The following ANKMY1 variants were observed in gnomAD, a reference collection of about 807,000 sequenced individuals.
ANKMY1 encodes the protein ankyrin repeat and MYND domain containing 1.
Under a neutral mutation model 102.0 loss-of-function variants are expected in ANKMY1, and 98 were observed. The observed-to-expected ratio is 0.96, with a 90% CI of 0.82 to 1.14. The LOEUF (loss-of-function observed/expected upper bound fraction) is 1.14, where lower values mean the gene tolerates loss of function less well. Among genes scored for constraint, ANKMY1 ranks in the 50% most tolerant of loss-of-function variants. The probability of loss-of-function intolerance (pLI) is 0.00; values close to 1 mark genes in which losing one functional copy is unlikely to be tolerated. For missense variants in ANKMY1, 1,330 were observed against 1,347.6 expected (o/e 0.99, Z 0.20); for synonymous variants, 582 against 559.9 (o/e 1.04, Z -0.56).
chr2:240,548,358 G>A (rs1332902055), intron 4 of ANKMY1, among the ~76,000 whole-genome samples: 8 of 152,066 alleles, frequency 5.3e-5, no homozygotes, highest in African/African-American at 1.9e-4. Flanking sequence ...TTGATGGGAC[G>A]TATCTCAAAA....
At position 240,557,935 on chromosome 2, in the gene ANKMY1, G is replaced by A. The variant is rs2092582535; in HGVS notation, c.-72C>T. The A allele has an allele frequency of 6.1e-6, 6 of 985,654 alleles. No individual in the cohort carries two copies. The highest frequency in any genetic ancestry group is 7.2e-6 in the Non-Finnish European group (6 of 830,102). The allele number at this position is 985,654 out of a possible 1,614,324, so 61.1% of individuals were successfully genotyped here. On this transcript the variant is annotated 5_prime_UTR_variant, in exon 1 of 18. Transcript: ENST00000401804. ...CAGCAGGGAGACCGACGGGACTGCA[G>A]CCACCGCGGACGCCCGCGCTCCCGT...
intron 15 of ANKMY1, among the ~76,000 whole-genome samples, chr2:240,493,533 C>T (rs994162915): frequency 4.6e-5 from 7 of 151,748 alleles, no homozygotes; most frequent in African/African-American, 1.7e-4. Context: ...GGGTAGGGTA[C>T]TTTGGCTTTG....
At chr2:240,511,646 G>A (rs531289962) in intron 11 of ANKMY1, among the ~76,000 whole-genome samples, 3 of 152,356 alleles carry the variant, frequency 2.0e-5, no homozygotes, top group South Asian at 2.1e-4. Flanking sequence ...ACTTCATGCC[G>A]CCACCCAGGC....
Position 240,507,582 on chromosome 2 carries a change from T to C in ANKMY1, c.2504A>G (p.Asn835Ser), listed in dbSNP as rs1395855864. The change falls in exon 13 of 18, where the codon AAC becomes AGC. Residue 835 changes from asparagine to serine, a missense_variant. Asn to Ser is a conservative substitution (Grantham distance 46). Transcript: ENST00000401804. Reference protein sequence around the residue: ...ACDLTYEHQRNMDSKLALIDR... With the variant: ...ACDLTYEHQRSMDSKLALIDR... ...CACCAGGGCCAGCTTGCTGTCCATG[T>C]TCCTCTGGTGCTCGTAGGTCAGGTC... 1.2e-6 allele frequency: 2 copies of C among 1,610,034 alleles called. No individual in the cohort carries two copies. The highest frequency in any genetic ancestry group is 2.7e-5 in the African/African-American group (2 of 74,896).
chr2:240,485,003 C>T (rs187501879), intron 15 of ANKMY1, among the ~76,000 whole-genome samples: 8 of 152,208 alleles, frequency 5.3e-5, no homozygotes, highest in Admixed American at 2.0e-4. Context: ...AATGAGATAC[C>T]ATCTCATGCC....
intron 4 of ANKMY1, among the ~76,000 whole-genome samples, chr2:240,539,904 A>G: frequency 6.6e-6 from 1 of 152,242 alleles, no homozygotes; most frequent in African/African-American, 2.4e-5. Flanking sequence ...ATACCTTGCT[A>G]TACCCCCTCC....
At position 240,483,756 on chromosome 2, in the gene ANKMY1, C is replaced by T. The variant is rs1248337698; in HGVS notation, c.2807-1495G>A. 3.3e-5 allele frequency among the ~76,000 whole-genome samples: 5 copies of T among 152,148 alleles called. No homozygotes were observed. In the South Asian group the frequency reaches 1.0e-3, roughly 32 times the overall value. ...AACGTGCAGGTTTGTTACCTAGGTA[C>T]ACACATGCCATAGTGGTTTGCTGCA... is the stretch of plus-strand genomic sequence containing the variant. On this transcript the variant is annotated intron_variant, in intron 15 of 17. Coordinates refer to ENST00000401804, the MANE Select transcript of ANKMY1 (RefSeq NM_001282771.3).
At chr2:240,557,760 G>C in intron 1 of ANKMY1, 121 bp downstream of exon 1, 1 of 569,906 alleles carries the variant, frequency 1.8e-6, no homozygotes, top group Admixed American at 6.3e-5. Context: ...CACGCCCCCA[G>C]CCCCTCGGCC....
At chr2:240,534,865 G>A (rs2086347483) in intron 4 of ANKMY1, among the ~76,000 whole-genome samples, 1 of 152,106 alleles carries the variant, frequency 6.6e-6, no homozygotes, top group East Asian at 1.9e-4. Context: ...CACTTTCGGA[G>A]GCTGAGGTGT....
In ANKMY1 at chr2:240,511,930, G is replaced by T; in HGVS notation, c.2217C>A (p.Asp739Glu). The part of the protein sequence containing the change: ...PGPPQAYYST[D>E]TALPEEGGRT... ...TGCCCCCCTCCTCCGGGAGGGCTGTGTCCGTGCTGTAGTAGGCTTGGGGAG... is the reference window on the plus strand; with the variant it reads ...TGCCCCCCTCCTCCGGGAGGGCTGTTTCCGTGCTGTAGTAGGCTTGGGGAG... The change falls in exon 11 of 18, where the codon GAC becomes GAA. Residue 739 changes from aspartate (D) to glutamate (E), a missense_variant. Coordinates refer to ENST00000401804, the MANE Select transcript of ANKMY1 (RefSeq NM_001282771.3). 1 of 1,580,040 alleles carries T rather than the reference G, an allele frequency of 6.3e-7. No individual in the cohort carries two copies. Among genetic ancestry groups the T allele is most frequent in the Admixed American group, 1.9e-5 (1 of 53,732 alleles).
chr2:240,547,348 G>T (rs1350154662), intron 4 of ANKMY1, among the ~76,000 whole-genome samples: 1 of 152,028 alleles, frequency 6.6e-6, no homozygotes, highest in Non-Finnish European at 1.5e-5. Context: ...GAATCTCTGG[G>T]ACGCATTCAA....
At chr2:240,522,617 C>T (rs941123356) in intron 8 of ANKMY1, 1 of 152,258 alleles carries the variant, frequency 6.6e-6, no homozygotes, top group Non-Finnish European at 1.5e-5. Flanking sequence ...GCCTTCTGCG[C>T]CTGGCTGCAC....
chr2:240,502,588 C>T (rs1559264991), intron 13 of ANKMY1, among the ~76,000 whole-genome samples: 1 of 152,008 alleles, frequency 6.6e-6, no homozygotes, highest in Non-Finnish European at 1.5e-5. Context: ...AACCACAGCC[C>T]CTCCCCATCT....
chr2:240,544,364 T>C (rs2089782848), intron 4 of ANKMY1, among the ~76,000 whole-genome samples: 1 of 152,230 alleles, frequency 6.6e-6, no homozygotes, highest in Admixed American at 6.5e-5. Flanking sequence ...TGTGTATCTA[T>C]CTTCATGCAC....
chr2:240,558,634 G>C (rs1029945731), upstream of ANKMY1: 1 of 152,308 alleles, frequency 6.6e-6, no homozygotes, highest in African/African-American at 2.4e-5. Context: ...AAAGAGGGGA[G>C]AGGCTCTTGG....
the ANKMY1 span, among the ~76,000 whole-genome samples, chr2:240,473,794 A>G: frequency 6.6e-6 from 1 of 152,268 alleles, no homozygotes; most frequent in South Asian, 2.1e-4. Flanking sequence ...ATACAGAAAA[A>G]GTATTTGACA....
At chr2:240,483,278 T>C (rs1449782802) in intron 15 of ANKMY1, among the ~76,000 whole-genome samples, 3 of 152,102 alleles carry the variant, frequency 2.0e-5, no homozygotes, top group African/African-American at 7.2e-5. Flanking sequence ...TGCCTCAGCC[T>C]CCTGAGTAGC....
At chr2:240,474,382 C>T in the ANKMY1 span, among the ~76,000 whole-genome samples, 2 of 149,616 alleles carry the variant, frequency 1.3e-5, no homozygotes, top group African/African-American at 4.9e-5. Context: ...GCTGGGATTA[C>T]AGGCGTGAGC....
In ANKMY1 at chr2:240,529,151, T is replaced by C. The variant is rs1048498335; in HGVS notation, c.839A>G (p.Asp280Gly). ...PMTSSFRKEL[D>G]ARIFLNEIPP... ...AATTTCATTGAGGAAGATGCGGGCGTCCAGCTCTTTGCGGAAAGAGCTTGT... is the reference window on the plus strand; with the variant it reads ...AATTTCATTGAGGAAGATGCGGGCGCCCAGCTCTTTGCGGAAAGAGCTTGT... The change falls in exon 5 of 18, where the codon GAC (aspartate) becomes GGC (glycine). Residue 280 changes from aspartate (D) to glycine (G), a missense_variant. By Grantham distance (94) the Asp-to-Gly change is moderately conservative. Transcript: ENST00000401804. The surrounding 1 kb of genome is among the most constrained non-coding windows in gnomAD (Gnocchi z 4.2). 1 of 1,614,136 alleles carries C rather than the reference T, an allele frequency of 6.2e-7. No individual in the cohort carries two copies. Among genetic ancestry groups the C allele is most frequent in the South Asian group, 1.1e-5 (1 of 91,068 alleles).
Sources: allele counts gnomAD v4.1 joint callset (sites outside exome capture counted in the v4.1 genomes callset), GRCh38; gene constraint gnomAD v4.1.1; non-coding constraint Gnocchi (gnomAD v3.1); transcripts MANE v1.5; gene names NCBI Gene and HGNC (gene_info 2026-07-23, HGNC 2026-07-21).